Variants in SLC16A12 observed in about 807,000 individuals in gnomAD.
SLC16A12 encodes solute carrier family 16 member 12, also known as monocarboxylate transporter 12.
SLC16A12 carries 17 observed loss-of-function variants against 42.4 expected under a neutral mutation model. The ratio of observed to expected loss-of-function variants is 0.40; its 90% CI spans 0.27 to 0.60. The LOEUF (loss-of-function observed/expected upper bound fraction) is 0.60, where lower values mean the gene tolerates loss of function less well. SLC16A12 is among the 20% of genes least tolerant of loss of function. The pLI, the probability that SLC16A12 is intolerant of heterozygous loss-of-function variation, is 0.42. For synonymous variants in SLC16A12, 224 were observed against 229.4 expected (o/e 0.98, Z 0.21); for missense variants, 544 against 623.0 (o/e 0.87, Z 1.35).
chr10:89,500,830 T>C (rs1842982869), intron 2 of SLC16A12, among the ~76,000 whole-genome samples: 2 of 152,148 alleles, frequency 1.3e-5, no homozygotes, highest in Admixed American at 6.6e-5. Context: ...CACATCCAAA[T>C]CAGTGAAGAA....
chr10:89,462,750 G>T, intron 2 of SLC16A12, 126 bp from the exon 3 acceptor site: 1 of 1,001,610 alleles, frequency 1.0e-6, no homozygotes, highest in Non-Finnish European at 1.4e-6. Flanking sequence ...ATGAATACTA[G>T]ACTGGGGCAG....
chr10:89,506,786 A>G (rs554766219), intron 2 of SLC16A12, among the ~76,000 whole-genome samples: 105 of 152,274 alleles, frequency 6.9e-4, no homozygotes, highest in African/African-American at 2.2e-3. Flanking sequence ...TCCAAGCTAA[A>G]GGAGCATGTT....
chr10:89,472,511 G>C (rs1244222204), intron 2 of SLC16A12, among the ~76,000 whole-genome samples: 1 of 8,842 alleles, frequency 1.1e-4, no homozygotes, highest in Non-Finnish European at 2.7e-4. Flanking sequence ...TTTTTTTTTT[G>C]AGATGGAGTC....
At chr10:89,524,531 A>C (rs1371860333) in intron 2 of SLC16A12, among the ~76,000 whole-genome samples, 1 of 152,154 alleles carries the variant, frequency 6.6e-6, no homozygotes, top group Non-Finnish European at 1.5e-5. Flanking sequence ...AGAAGGTTCA[A>C]CCTGCGAATT....
At chr10:89,447,257 C>G (rs1842019570) in intron 3 of SLC16A12, among the ~76,000 whole-genome samples, 1 of 152,190 alleles carries the variant, frequency 6.6e-6, no homozygotes, top group African/African-American at 2.4e-5. Flanking sequence ...CCAAGCAGAC[C>G]TAACAGACAT....
At chr10:89,447,520 C>G (rs780148217) in intron 3 of SLC16A12, among the ~76,000 whole-genome samples, 2 of 152,068 alleles carry the variant, frequency 1.3e-5, no homozygotes, top group South Asian at 4.1e-4. Flanking sequence ...GGGTAAATAA[C>G]GAAATGTAGG....
At position 89,545,932 on chromosome 10, in the gene SLC16A12, TG is replaced by T. The variant is rs376960526; in HGVS notation, c.-47+9949del. On this transcript the variant is annotated intron_variant, in intron 2 of 2. Transcript: ENST00000475682. ...CAACAAACTGGACAAAAAGAAGCAA[TG>T]GGGAAACAATCTCCTATTCGGTAGT... is the stretch of plus-strand genomic sequence containing the variant. Among the ~76,000 whole-genome samples, 34 of 152,026 alleles carry T rather than the reference TG, an allele frequency of 2.2e-4. 1 individual carries two copies. The highest frequency in any genetic ancestry group is 8.0e-4 in the African/African-American group (33 of 41,466).
At position 89,467,017 on chromosome 10, in the gene SLC16A12, TCAC is replaced by T. The variant is rs144869855; in HGVS notation, c.-46-4396_-46-4394del. On this transcript the variant is annotated intron_variant, in intron 2 of 7. Coordinates refer to ENST00000371790, the MANE Select transcript of SLC16A12 (RefSeq NM_213606.4). Reference sequence around the variant, plus strand: ...TGACAAACACACACAATGGAATAACTCACCAATTGGACACAATTAACTGCCAAG... The same window carrying T: ...TGACAAACACACACAATGGAATAACTCAATTGGACACAATTAACTGCCAAG... 6.5e-3 allele frequency among the ~76,000 whole-genome samples: 982 copies of T among 152,248 alleles called. 10 individuals carry two copies. The highest frequency in any genetic ancestry group is 0.022 in the African/African-American group (922 of 41,542).
Position 89,463,770 on chromosome 10 carries a change from C to T in SLC16A12, c.-46-1146G>A, listed in dbSNP as rs181874898. Among the ~76,000 whole-genome samples, 9 of 152,276 alleles carry T rather than the reference C, an allele frequency of 5.9e-5. No individual in the cohort carries two copies. The East Asian group carries it at 1.7e-3, about 29-fold the overall frequency. The stretch of plus-strand genomic sequence containing the variant: ...TCTGCATTCATTCATTCATTCAACT[C>T]TAAATATTTATTGAATCCCTAACAT... On this transcript the variant is annotated intron_variant, in intron 2 of 7. Transcript: ENST00000371790.
At position 89,436,215 on chromosome 10, in the gene SLC16A12, G is replaced by T; in HGVS notation, c.1133C>A (p.Pro378His). Residue 378 changes from proline to histidine, a missense_variant, in exon 7 of 8, where the codon CCT becomes CAT. Transcript: ENST00000371790. Reference sequence around the variant, plus strand: ...AAAGTAGCCAAAGGTACAAGAGAAAGGCACGAGCAGAGGGAGACTTTGAAG... The same window carrying T: ...AAAGTAGCCAAAGGTACAAGAGAAATGCACGAGCAGAGGGAGACTTTGAAG... The part of the protein sequence containing the change: ...PMLQSLPLLV[P>H]FSCTFGYFDG... 1 of 1,614,100 alleles carries T rather than the reference G, an allele frequency of 6.2e-7. No individual in the cohort carries two copies. Among genetic ancestry groups the T allele is most frequent in the Non-Finnish European group, 8.5e-7 (1 of 1,179,984 alleles).
chr10:89,486,986 G>A (rs1842766431), intron 2 of SLC16A12, among the ~76,000 whole-genome samples: 1 of 152,212 alleles, frequency 6.6e-6, no homozygotes, highest in South Asian at 2.1e-4. Context: ...GACACTCCAG[G>A]AGAAAATTTG....
chr10:89,534,014 A>G (rs1029974204), intron 2 of SLC16A12, among the ~76,000 whole-genome samples: 4 of 152,232 alleles, frequency 2.6e-5, no homozygotes, highest in African/African-American at 7.2e-5. Context: ...AATTCAGCCA[A>G]TCCTTGCCAA....
chr10:89,508,920 G>T (rs1843116501), intron 2 of SLC16A12, among the ~76,000 whole-genome samples: 1 of 151,554 alleles, frequency 6.6e-6, no homozygotes, highest in Admixed American at 6.6e-5. Context: ...TCTGTGTATT[G>T]TCATTACACA....
intron 2 of SLC16A12, among the ~76,000 whole-genome samples, chr10:89,512,790 G>T (rs1266265328): frequency 2.0e-5 from 3 of 152,198 alleles, no homozygotes; most frequent in Non-Finnish European, 2.9e-5. Flanking sequence ...TCTAGCAAAA[G>T]ATCGAACCCA....
chr10:89,536,877 G>A (rs776928542), upstream of SLC16A12, among the ~76,000 whole-genome samples: 10 of 152,040 alleles, frequency 6.6e-5, no homozygotes, highest in Non-Finnish European at 1.2e-4. Context: ...TCGCTCTGTC[G>A]CCCAGGCTGG....
chr10:89,515,618 C>T (rs1364813410), intron 2 of SLC16A12, among the ~76,000 whole-genome samples: 4 of 152,150 alleles, frequency 2.6e-5, no homozygotes, highest in Non-Finnish European at 5.9e-5. Flanking sequence ...TATGGTTTCC[C>T]AGGTCCAAGC....
chr10:89,496,944 G>T (rs1425869023), intron 2 of SLC16A12, among the ~76,000 whole-genome samples: 2 of 152,086 alleles, frequency 1.3e-5, no homozygotes, highest in African/African-American at 4.8e-5. Context: ...ACTTTGACAG[G>T]CAATCCACAC....
upstream of SLC16A12, among the ~76,000 whole-genome samples, chr10:89,539,879 TTC>T (rs1356604390): frequency 1.4e-5 from 2 of 145,756 alleles, no homozygotes; most frequent in East Asian, 3.9e-4. Context: ...CTTTCTTTCT[TTC>T]TTTCTTTCTT....
At chr10:89,510,775 A>G (rs1171824643) in intron 2 of SLC16A12, among the ~76,000 whole-genome samples, 1 of 152,250 alleles carries the variant, frequency 6.6e-6, no homozygotes, top group East Asian at 1.9e-4. Flanking sequence ...AAAAGAAACT[A>G]TCAGCAGAGT....
Sources: allele counts gnomAD v4.1 joint callset (sites outside exome capture counted in the v4.1 genomes callset), GRCh38; gene constraint gnomAD v4.1.1; transcripts MANE v1.5; gene names NCBI Gene and HGNC (gene_info 2026-07-23, HGNC 2026-07-21).